CHODL: variants seen among roughly 807,000 people sequenced by gnomAD.
The protein encoded by CHODL is transmembrane protein MT75.
In CHODL, 29 loss-of-function variants were observed where a neutral mutation model predicts 34.5. The ratio of observed to expected loss-of-function variants is 0.84; its 90% CI spans 0.63 to 1.15. CHODL has a LOEUF of 1.15. Among genes scored for constraint, CHODL ranks in the 50% most tolerant of loss-of-function variants. The pLI, the probability that CHODL is intolerant of heterozygous loss-of-function variation, is 0.00. For synonymous variants in CHODL, 125 were observed against 116.1 expected (o/e 1.08, Z -0.49); for missense variants, 332 against 332.5 (o/e 1.00, Z 0.01).
intron 2 of CHODL, among the ~76,000 whole-genome samples, chr21:18,069,987 C>CCCTTT (rs2064778062): frequency 1.9e-5 from 1 of 53,268 alleles, no homozygotes; most frequent in Non-Finnish European, 4.8e-5. Flanking sequence ...CCTTTTCTTT[C>CCCTTT]CCTTCCCTTC....
chr21:17,984,319 G>T (rs1305589165), intron 1 of CHODL, among the ~76,000 whole-genome samples: 1 of 152,004 alleles, frequency 6.6e-6, no homozygotes, highest in Non-Finnish European at 1.5e-5. Context: ...ATAAATAATT[G>T]TACCGTGAAC....
At chr21:17,957,822 T>C (rs1169982474) in intron 1 of CHODL, among the ~76,000 whole-genome samples, 1 of 151,722 alleles carries the variant, frequency 6.6e-6, no homozygotes, top group Non-Finnish European at 1.5e-5. Context: ...TCCTAAATAT[T>C]GTTTATAAAG....
intron 1 of CHODL, among the ~76,000 whole-genome samples, chr21:18,001,803 C>T (rs983311204): frequency 1.4e-5 from 2 of 144,390 alleles, no homozygotes; most frequent in African/African-American, 5.2e-5. Context: ...TTTTAATTTC[C>T]CACAATCCTG....
At chr21:18,265,438 C>A (rs1276959988) in intron 5 of CHODL, among the ~76,000 whole-genome samples, 2 of 151,884 alleles carry the variant, frequency 1.3e-5, no homozygotes, top group African/African-American at 2.4e-5. Flanking sequence ...AACTAAGCAT[C>A]GTACATTCTC....
chr21:17,951,935 T>G (rs2063460511), intron 1 of CHODL, among the ~76,000 whole-genome samples: 2 of 152,020 alleles, frequency 1.3e-5, no homozygotes, highest in African/African-American at 4.8e-5. Flanking sequence ...TTATATGTCT[T>G]TAAAAATTTT....
intron 1 of CHODL, among the ~76,000 whole-genome samples, chr21:17,964,258 A>G (rs1426906517): frequency 6.6e-6 from 1 of 152,270 alleles, no homozygotes; most frequent in Non-Finnish European, 1.5e-5. Context: ...ACAAAAAGCC[A>G]TAAAACTTAT....
intron 2 of CHODL, among the ~76,000 whole-genome samples, chr21:18,190,000 T>C (rs73893016): frequency 0.043 from 6,589 of 152,282 alleles, 465 homozygotes; most frequent in African/African-American, 0.15. Context: ...TAATAATTTT[T>C]TTCTTCATGG....
intron 2 of CHODL, among the ~76,000 whole-genome samples, chr21:18,133,389 C>A (rs993522118): frequency 2.0e-5 from 3 of 152,014 alleles, no homozygotes; most frequent in African/African-American, 4.8e-5. Flanking sequence ...TCTTCTGAGA[C>A]CTTACATATA....
intron 2 of CHODL, among the ~76,000 whole-genome samples, chr21:18,037,287 C>T (rs2064322617): frequency 6.6e-6 from 1 of 151,816 alleles, no homozygotes; most frequent in Non-Finnish European, 1.5e-5. Context: ...TGTATATATT[C>T]TGACTTTTAA....
rs184972835 is a variant in CHODL, at chr21:18,104,301, G to A, written c.-45+76330G>A. 1.3e-3 allele frequency among the ~76,000 whole-genome samples: 191 copies of A among 152,216 alleles called. 1 individual carries two copies. Among genetic ancestry groups the A allele is most frequent in the African/African-American group, 4.5e-3 (185 of 41,540 alleles). On this transcript the variant is annotated intron_variant, in intron 2 of 6. Coordinates refer to the CHODL transcript ENST00000400127. ...TTTCCCCCATGTTGCTCTCATGATA[G>A]TGAGTTCTCATGAAAATCTGATGGT...
chr21:18,121,247 G>A (rs1267631416), intron 2 of CHODL, among the ~76,000 whole-genome samples: 4 of 152,094 alleles, frequency 2.6e-5, no homozygotes, highest in Non-Finnish European at 4.4e-5. Context: ...ACTGTCTTGG[G>A]CCATACATAA....
chr21:18,150,982 G>C (rs1470856075), intron 2 of CHODL, among the ~76,000 whole-genome samples: 1 of 151,376 alleles, frequency 6.6e-6, no homozygotes, highest in Non-Finnish European at 1.5e-5. Context: ...TACTCAGGAG[G>C]CTGAGGCAGC....
intron 2 of CHODL, among the ~76,000 whole-genome samples, chr21:18,194,064 A>AC (rs1315595130): frequency 2.0e-5 from 3 of 151,824 alleles, no homozygotes; most frequent in Non-Finnish European, 2.9e-5. Flanking sequence ...TGCCACTGCT[A>AC]CCCCCCTGTG....
In CHODL at chr21:17,936,798, G is replaced by A. The variant is rs763696522; in HGVS notation, c.-145+19398G>A. 4.6e-5 allele frequency among the ~76,000 whole-genome samples: 7 copies of A among 152,080 alleles called. No individual in the cohort carries two copies. In the East Asian group the frequency reaches 5.8e-4, roughly 13 times the overall value. ...TATTAAAATTTTAGAAGGAAGGGCC[G>A]GGCGTGGTGGCTCACGCCTTTAATC... On this transcript the variant is annotated intron_variant, in intron 1 of 6. Transcript: ENST00000400127.
At chr21:18,014,694 G>T (rs956096014) in intron 1 of CHODL, among the ~76,000 whole-genome samples, 5 of 152,104 alleles carry the variant, frequency 3.3e-5, no homozygotes, top group Non-Finnish European at 5.9e-5. Flanking sequence ...TCTCGTTCCT[G>T]CTCTTGCCAT....
chr21:18,258,279 T>C (rs1177886761), intron 3 of CHODL, among the ~76,000 whole-genome samples: 6 of 152,166 alleles, frequency 3.9e-5, no homozygotes, highest in African/African-American at 1.4e-4. Context: ...CTGAATCTGT[T>C]ATGCGCTTAT....
chr21:18,197,137 C>T (rs1344723646), intron 2 of CHODL, among the ~76,000 whole-genome samples: 2 of 151,802 alleles, frequency 1.3e-5, no homozygotes, highest in African/African-American at 4.8e-5. Context: ...GTCAATTGCA[C>T]CTCAATAAAG....
Position 18,207,659 on chromosome 21 carries a change from C to CTTTTTTT in CHODL, c.-44-48835_-44-48829dup, listed in dbSNP as rs34259143. Among the ~76,000 whole-genome samples the CTTTTTTT allele has an allele frequency of 8.6e-3, 479 of 55,882 alleles. 26 individuals are homozygous for CTTTTTTT. The highest frequency in any genetic ancestry group is 0.014 in the African/African-American group (158 of 11,308). 36.7% of individuals were successfully genotyped at this position (55,882 alleles called of 152,430 possible). On this transcript the variant is annotated intron_variant, in intron 2 of 6. Transcript: ENST00000400127. ...TGGTGGTGGTGATGAAATCTCTCAG[C>CTTTTTTT]TTTTTTTTTTTTTTTTTTTTTGCGG...
Position 18,245,228 on chromosome 21 carries a change from G to A in CHODL, c.5G>A (p.Ser2Asn). 6.6e-7 allele frequency: 1 copy of A among 1,521,078 alleles called. No homozygotes were observed. The highest frequency in any genetic ancestry group is 8.8e-7 in the Non-Finnish European group (1 of 1,141,516). 94.2% of individuals were successfully genotyped at this position (1,521,078 alleles called of 1,614,324 possible). ...TGCTGCTGCCACCGCGCCGCGATGA[G>A]CCGCGTGGTCTCGCTGCTGCTGGGC... is the stretch of plus-strand genomic sequence containing the variant. M[S>N]RVVSLLLGAA... Residue 2 changes from serine (S) to asparagine (N), a missense_variant, in exon 1 of 6, where the codon AGC becomes AAC. By Grantham distance (46) the Ser-to-Asn change is conservative. Coordinates refer to ENST00000299295, the MANE Select transcript of CHODL (RefSeq NM_024944.3).
Sources: gnomAD v4.1 joint callset for allele counts (sites outside exome capture counted in the v4.1 genomes callset) on GRCh38, gnomAD v4.1.1 for gene constraint, MANE v1.5 for transcripts, NCBI Gene and HGNC (gene_info 2026-07-23, HGNC 2026-07-21) for gene names.